ETV6: variants seen among roughly 807,000 people sequenced by gnomAD.
The protein encoded by ETV6 is ETS variant transcription factor 6.
ETV6 carries 16 observed loss-of-function variants against 51.1 expected under a neutral mutation model. The observed-to-expected ratio is 0.31, with a 90% CI of 0.21 to 0.48. The LOEUF is 0.48. ETV6 is among the 20% of genes least tolerant of loss of function. The probability of loss-of-function intolerance (pLI) is 0.99; values close to 1 mark genes in which losing one functional copy is unlikely to be tolerated. For synonymous variants in ETV6, 240 were observed against 224.1 expected, an observed-to-expected ratio of 1.07 and a Z score of -0.64; for missense variants, 458 against 594.8, an observed-to-expected ratio of 0.77 and a Z score of 2.39.
intron 1 of ETV6, among the ~76,000 whole-genome samples, chr12:11,693,432 C>T (rs2724610): frequency 0.52 from 78,964 of 151,940 alleles, 22,449 homozygotes; most frequent in African/African-American, 0.75. Context: ...GTCTGTGCTA[C>T]TTAGTGTCAT....
intron 1 of ETV6, among the ~76,000 whole-genome samples, chr12:11,708,231 C>G (rs534744761): frequency 2.3e-4 from 33 of 142,712 alleles, no homozygotes; most frequent in African/African-American, 8.4e-4. Flanking sequence ...GGGAGCATCT[C>G]AAGTTTAGGG....
chr12:11,862,842 G>A (rs1282914784), intron 4 of ETV6, among the ~76,000 whole-genome samples: 1 of 152,150 alleles, frequency 6.6e-6, no homozygotes, highest in Admixed American at 6.5e-5. Context: ...GACCGGGAGT[G>A]GTATATGAAA....
chr12:11,713,164 C>T (rs1446764807), intron 1 of ETV6, among the ~76,000 whole-genome samples: 3 of 152,180 alleles, frequency 2.0e-5, no homozygotes, highest in South Asian at 2.1e-4. Context: ...GGCAAGTGAA[C>T]ATGCCTCAGT....
chr12:11,821,091 G>A (rs529648581), intron 2 of ETV6, among the ~76,000 whole-genome samples: 14 of 152,210 alleles, frequency 9.2e-5, no homozygotes, highest in African/African-American at 3.4e-4. Flanking sequence ...GGCTGGGCAC[G>A]GTGGCTCACG....
intron 1 of ETV6, among the ~76,000 whole-genome samples, chr12:11,680,214 C>T (rs1235036855): frequency 6.6e-6 from 1 of 152,170 alleles, no homozygotes; most frequent in East Asian, 1.9e-4. Flanking sequence ...TACTCTGGCC[C>T]CTTCAGATAG....
chr12:11,839,413 C>A, intron 3 of ETV6, 109 bp downstream of exon 3: 2 of 1,110,826 alleles, frequency 1.8e-6, no homozygotes, highest in South Asian at 1.6e-5. Context: ...TGAGTCATCA[C>A]AAGGAAGGGA....
chr12:11,854,537 T>A (rs778591203), intron 4 of ETV6, among the ~76,000 whole-genome samples: 28 of 152,212 alleles, frequency 1.8e-4, no homozygotes, highest in Non-Finnish European at 3.7e-4. Context: ...ATTATAAAGC[T>A]TATCTTCTCC....
chr12:11,666,115 C>T (rs140564396), intron 1 of ETV6, among the ~76,000 whole-genome samples: 1 of 152,246 alleles, frequency 6.6e-6, no homozygotes, highest in African/African-American at 2.4e-5. Context: ...AGGTCACCAC[C>T]GTATGGGGCT....
chr12:11,733,395 G>A (rs1190521125), intron 1 of ETV6, among the ~76,000 whole-genome samples: 1 of 115,016 alleles, frequency 8.7e-6, no homozygotes, highest in Non-Finnish European at 1.6e-5. Context: ...GAGACAGAGC[G>A]AGACTCCATC....
chr12:11,682,143 G>A (rs182598446), intron 1 of ETV6, among the ~76,000 whole-genome samples: 6 of 152,060 alleles, frequency 3.9e-5, no homozygotes, highest in East Asian at 1.9e-4. Context: ...AGGAATCGCC[G>A]CACTGTCCAC....
intron 2 of ETV6, chr12:11,752,783 C>T (rs1866063539): frequency 2.1e-6 from 1 of 485,420 alleles, no homozygotes; most frequent in South Asian, 4.4e-5. Flanking sequence ...TCAGTGTATT[C>T]ATTTCTTCCC....
chr12:11,793,272 A>T (rs1451307766), intron 2 of ETV6, among the ~76,000 whole-genome samples: 1 of 152,138 alleles, frequency 6.6e-6, no homozygotes, highest in Non-Finnish European at 1.5e-5. Context: ...AGTTTCTGTT[A>T]TTACCTCCAA....
At chr12:11,708,251 C>G (rs1455550590) in intron 1 of ETV6, among the ~76,000 whole-genome samples, 2 of 143,162 alleles carry the variant, frequency 1.4e-5, no homozygotes, top group African/African-American at 2.6e-5. Context: ...GTTGGGGAGT[C>G]TCAGTGAAAA....
intron 1 of ETV6, among the ~76,000 whole-genome samples, chr12:11,716,351 AAAAAAAAAAG>A (rs1865279895): frequency 6.7e-6 from 1 of 148,898 alleles, no homozygotes; most frequent in Non-Finnish European, 1.5e-5. Flanking sequence ...AAAAAAAAAA[AAAAAAAAAAG>A]ATCATTCGGA....
chr12:11,752,831 C>A, intron 2 of ETV6: 1 of 379,838 alleles, frequency 2.6e-6, no homozygotes, highest in Non-Finnish European at 4.7e-6. Context: ...AACCTGGAAA[C>A]ATGCAGTATA....
intron 4 of ETV6, among the ~76,000 whole-genome samples, chr12:11,858,485 A>G (rs1378448102): frequency 6.6e-6 from 1 of 152,160 alleles, no homozygotes; most frequent in African/African-American, 2.4e-5. Context: ...GAAACATAAA[A>G]TAAGCCTCCC....
intron 1 of ETV6, among the ~76,000 whole-genome samples, chr12:11,735,368 G>A (rs2120995213): frequency 6.6e-6 from 1 of 152,328 alleles, no homozygotes. Context: ...TTAGTGGTGA[G>A]ATCAGTGGGT....
intron 1 of ETV6, among the ~76,000 whole-genome samples, chr12:11,658,639 T>C (rs1259616488): frequency 2.6e-5 from 4 of 152,224 alleles, no homozygotes; most frequent in Non-Finnish European, 5.9e-5. Flanking sequence ...CCCTGCACAG[T>C]GCTCTTGTCA....
intron 1 of ETV6, among the ~76,000 whole-genome samples, chr12:11,731,858 T>A (rs916291866): frequency 6.6e-6 from 1 of 152,180 alleles, no homozygotes; most frequent in Admixed American, 6.5e-5. Context: ...TCTGTCTGTA[T>A]GTATTAGCTC....
Sources: gnomAD v4.1 joint callset for allele counts (sites outside exome capture counted in the v4.1 genomes callset) on GRCh38, gnomAD v4.1.1 for gene constraint, MANE v1.5 for transcripts, NCBI Gene and HGNC (gene_info 2026-07-23, HGNC 2026-07-21) for gene names.